ISG20: variants seen among roughly 807,000 people sequenced by gnomAD.
The protein encoded by ISG20 is interferon stimulated exonuclease gene 20.
ISG20 carries 8 observed loss-of-function variants against 11.1 expected under a neutral mutation model. The observed-to-expected ratio is 0.72, with a 90% CI of 0.42 to 1.30. The LOEUF is 1.30. Among genes scored for constraint, ISG20 ranks in the 50% most tolerant of loss-of-function variants. ISG20 has a pLI of 0.01. For missense variants in ISG20, 243 were observed against 250.2 expected (o/e 0.97, Z 0.19); for synonymous variants, 110 against 101.7 (o/e 1.08, Z -0.49).
chr15:88,645,785 C>T (rs1469944952), intron 2 of ISG20, among the ~76,000 whole-genome samples: 1 of 152,176 alleles, frequency 6.6e-6, no homozygotes, highest in Non-Finnish European at 1.5e-5. Context: ...ACCATCGCTG[C>T]CCCACTGGTC....
In ISG20 at chr15:88,654,396, C is replaced by T. The variant is rs565207409; in HGVS notation, c.430-1019C>T. ...GCGTAATAACGGCAACAAGAAAAAG[C>T]CTTTTTGAGCTGGGCCGTCTAACCA... is the stretch of plus-strand genomic sequence containing the variant. On this transcript the variant is annotated intron_variant, in intron 3 of 3. Transcript: ENST00000306072. Among the ~76,000 whole-genome samples the T allele has an allele frequency of 4.6e-5, 7 of 152,296 alleles. No homozygotes were observed. The East Asian group carries it at 5.8e-4, about 13-fold the overall frequency.
At position 88,639,320 on chromosome 15, in the gene ISG20, GC is replaced by G; in HGVS notation, c.-24-17del. ...GCTTGGTTTGCCCAAGCGTGAGACC[GC>G]CCCCCATACCCCTCTCTCCAGCATC... On this transcript the variant is annotated intron_variant, in intron 1 of 3. Transcript: ENST00000306072. This position sits in a 1 kb window ranked among gnomAD's most constrained non-coding sequence, Gnocchi z 4.2. 1.4e-6 allele frequency: 2 copies of G among 1,464,328 alleles called. No individual in the cohort carries two copies. The highest frequency in any genetic ancestry group is 2.4e-5 in the East Asian group (1 of 42,242). 90.7% of individuals were successfully genotyped at this position (1,464,328 alleles called of 1,614,324 possible).
chr15:88,637,068 G>A (rs1313273817), upstream of ISG20, among the ~76,000 whole-genome samples: 3 of 152,194 alleles, frequency 2.0e-5, no homozygotes, highest in Non-Finnish European at 4.4e-5. Context: ...TACCTTTGTA[G>A]CACTTCCTGT....
In ISG20 at chr15:88,650,142, G is replaced by T; in HGVS notation, c.229-1968G>T. 9.6e-7 allele frequency: 1 copy of T among 1,046,578 alleles called. No individual in the cohort carries two copies. The allele number at this position is 1,046,578 out of a possible 1,614,324, so 64.8% of individuals were successfully genotyped here. A position where few individuals can be genotyped will look rare whatever the true frequency, so the allele number is the denominator to read the frequency against. Reference sequence around the variant, plus strand: ...GTCGTGGGCTACATGCAGAGAAGGAGACGAAGGCTGTCCTAGAGCTGTCCA... The same window carrying T: ...GTCGTGGGCTACATGCAGAGAAGGATACGAAGGCTGTCCTAGAGCTGTCCA... On this transcript the variant is annotated intron_variant, in intron 2 of 3. Transcript: ENST00000306072. This position sits in a 1 kb window ranked among gnomAD's most constrained non-coding sequence, Gnocchi z 4.0.
At chr15:88,637,419 T>A (rs549220535), upstream of ISG20, 1 of 151,462 alleles carries the variant, frequency 6.6e-6, no homozygotes, top group East Asian at 1.9e-4. Context: ...TACAAGAGAT[T>A]AGATTTTGGG....
rs140178121 is a variant in ISG20 at position 88,641,926 on chromosome 15, C to CTTT, written c.228+2357_228+2359dup. On this transcript the variant is annotated intron_variant, in intron 2 of 3. Transcript: ENST00000306072. ...AGCCACTGCACCTGGTTAGCTTCCT[C>CTTT]TTTTTTTTTTTTTTTTTTTTTTTTT... is the stretch of plus-strand genomic sequence containing the variant. Among the ~76,000 whole-genome samples the CTTT allele has an allele frequency of 4.7e-3, 488 of 102,808 alleles. 28 individuals are homozygous for CTTT. Among genetic ancestry groups the CTTT allele is most frequent in the African/African-American group, 0.016 (457 of 28,126 alleles). 67.4% of individuals were successfully genotyped at this position (102,808 alleles called of 152,430 possible).
At position 88,652,330 on chromosome 15, in the gene ISG20, TCTCCTCCTCCCCC is replaced by T; in HGVS notation, c.429+28_429+40del. On this transcript the variant is annotated intron_variant, in intron 3 of 3. Coordinates refer to ENST00000306072, the MANE Select transcript of ISG20 (RefSeq NM_002201.6). ...ATCCAGGTGAGAACCTCCTCGTCCT[TCTCCTCCTCCCCC>T]CTCCTCCCCCTCCTCCCCCTCCTCC... 1 of 1,575,518 alleles carries T rather than the reference TCTCCTCCTCCCCC, an allele frequency of 6.3e-7. No individual in the cohort carries two copies. The highest frequency in any genetic ancestry group is 1.1e-5 in the South Asian group (1 of 89,072).
At position 88,650,534 on chromosome 15, in the gene ISG20, T is replaced by C; in HGVS notation, c.229-1576T>C. On this transcript the variant is annotated intron_variant, in intron 2 of 3. Coordinates refer to ENST00000306072, the MANE Select transcript of ISG20 (RefSeq NM_002201.6). The surrounding 1 kb of genome is among the most constrained non-coding windows in gnomAD (Gnocchi z 4.0). ...GTGCTTGGCAAATCACACCAAAACT[T>C]ACCGGTTCAAACAATGTCAATACTT... The C allele has an allele frequency of 1.6e-6, 2 of 1,226,546 alleles. No homozygotes were observed. Among genetic ancestry groups the C allele is most frequent in the South Asian group, 1.6e-5 (1 of 62,790 alleles). 76.0% of individuals were successfully genotyped at this position (1,226,546 alleles called of 1,614,324 possible).
intron 2 of ISG20, among the ~76,000 whole-genome samples, chr15:88,644,962 T>C (rs2058146007): frequency 6.6e-6 from 1 of 152,238 alleles, no homozygotes. Context: ...CCCTTGAGCA[T>C]TGGCCTCGGG....
intron 3 of ISG20, among the ~76,000 whole-genome samples, chr15:88,652,954 G>A (rs917667718): frequency 6.6e-6 from 1 of 151,806 alleles, no homozygotes; most frequent in East Asian, 2.0e-4. Flanking sequence ...CTGCTCCTGG[G>A]CACTGATTCC....
intron 2 of ISG20, 100 bp from the exon 3 acceptor site, chr15:88,652,010 G>T: frequency 6.4e-7 from 1 of 1,563,008 alleles, no homozygotes; most frequent in Non-Finnish European, 8.7e-7. Flanking sequence ...TTTGCCCAAG[G>T]TCACACAGCC....
At chr15:88,646,168 A>G (rs1481351945) in intron 2 of ISG20, among the ~76,000 whole-genome samples, 1 of 151,976 alleles carries the variant, frequency 6.6e-6, no homozygotes, top group Non-Finnish European at 1.5e-5. Flanking sequence ...TTGTTGCTCA[A>G]CCTCTCTGTG....
At position 88,654,894 on chromosome 15, in the gene ISG20, G is replaced by A. The variant is rs530263418; in HGVS notation, c.430-521G>A. 1.2e-3 allele frequency among the ~76,000 whole-genome samples: 179 copies of A among 152,186 alleles called. 1 individual carries two copies. Among genetic ancestry groups the A allele is most frequent in the African/African-American group, 4.2e-3 (175 of 41,514 alleles). On this transcript the variant is annotated intron_variant, in intron 3 of 3. Transcript: ENST00000306072. ...AGTGATAAATCCAGGCCCACCATCC[G>A]TCCCCACACCACCTTTCACACACCC...
At chr15:88,653,102 G>T (rs2058315252) in intron 3 of ISG20, among the ~76,000 whole-genome samples, 1 of 152,156 alleles carries the variant, frequency 6.6e-6, no homozygotes. Context: ...GACCCTTCAG[G>T]TCAACAGCTC....
chr15:88,652,316 A>T lies in ISG20; in HGVS notation c.429+6A>T. On this transcript the variant is annotated splice_donor_region_variant and intron_variant, in intron 3 of 3. Coordinates refer to ENST00000306072, the MANE Select transcript of ISG20 (RefSeq NM_002201.6). ...TCCTACACAAGAGCATCCAGGTGAG[A>T]ACCTCCTCGTCCTTCTCCTCCTCCC... 1 of 1,604,684 alleles carries T rather than the reference A, an allele frequency of 6.2e-7. No individual in the cohort carries two copies. Among genetic ancestry groups the T allele is most frequent in the Non-Finnish European group, 8.5e-7 (1 of 1,175,640 alleles).
chr15:88,641,454 G>A (rs966708661), intron 2 of ISG20, among the ~76,000 whole-genome samples: 15 of 152,190 alleles, frequency 9.9e-5, no homozygotes, highest in African/African-American at 3.6e-4. Flanking sequence ...TCCAGGTGTC[G>A]CCCAGGTTGG....
chr15:88,654,261 G>A (rs575425006), intron 3 of ISG20, among the ~76,000 whole-genome samples: 1 of 152,296 alleles, frequency 6.6e-6, no homozygotes, highest in Admixed American at 6.5e-5. Flanking sequence ...ACAGGGGCAG[G>A]TATGCAGAGG....
intron 2 of ISG20, chr15:88,651,190 C>G: frequency 1.0e-6 from 1 of 985,316 alleles, no homozygotes; most frequent in Non-Finnish European, 1.2e-6. Flanking sequence ...AATTTGCAAA[C>G]TTGTTTTAAA....
At position 88,655,612 on chromosome 15, in the gene ISG20, T is replaced by A; in HGVS notation, c.*81T>A. The A allele has an allele frequency of 1.1e-6, 1 of 912,712 alleles. No individual in the cohort carries two copies. The highest frequency in any genetic ancestry group is 1.5e-5 in the South Asian group (1 of 67,088). 56.5% of individuals were successfully genotyped at this position (912,712 alleles called of 1,614,324 possible). On this transcript the variant is annotated 3_prime_UTR_variant, in exon 4 of 4. Transcript: ENST00000306072. Reference sequence around the variant, plus strand: ...AACTACCTTGCTTTTGGAAAATACATTTTTAATAGTAAAGTGGCTCTATAT... The same window carrying A: ...AACTACCTTGCTTTTGGAAAATACAATTTTAATAGTAAAGTGGCTCTATAT...
Sources: allele counts gnomAD v4.1 joint callset (sites outside exome capture counted in the v4.1 genomes callset), GRCh38; gene constraint gnomAD v4.1.1; non-coding constraint Gnocchi (gnomAD v3.1); transcripts MANE v1.5; gene names NCBI Gene and HGNC (gene_info 2026-07-23, HGNC 2026-07-21).